Variants in MSH6 observed in about 807,000 individuals in gnomAD.
MSH6 encodes the protein mutS homolog 6, also known as DNA mismatch repair protein Msh6.
A neutral mutation model predicts 119.1 loss-of-function variants in MSH6; 85 were observed. That is an observed-to-expected ratio of 0.71 (90% confidence interval 0.60 to 0.85). The LOEUF (loss-of-function observed/expected upper bound fraction) is 0.85, where lower values mean the gene tolerates loss of function less well. Ranked by LOEUF, MSH6 falls within the 40% of genes least tolerant of loss-of-function variation. The probability of loss-of-function intolerance (pLI) is 0.00; values close to 1 mark genes in which losing one functional copy is unlikely to be tolerated. For synonymous variants in MSH6, 830 were observed against 586.9 expected (o/e 1.41, Z -5.99); for missense variants, 2,163 against 1,655.3 (o/e 1.31, Z -5.32).
Position 47,783,379 on chromosome 2 carries a change from C to A in MSH6, c.146C>A (p.Ala49Asp), listed in dbSNP as rs775498550. The stretch of plus-strand genomic sequence containing the variant: ...TCTCCTTCCCCAGGCGGGGATGCGG[C>A]CTGGAGCGAGGCTGGGCCTGGGCCC... The part of the protein sequence containing the change: ...GASPSPGGDA[A>D]WSEAGPGPRP... The change falls in exon 1 of 10, where the codon GCC (alanine) becomes GAC (aspartate). Residue 49 changes from alanine to aspartate, a missense_variant. By Grantham distance (126) the Ala-to-Asp change is moderately radical (BLOSUM62 -2). Coordinates refer to ENST00000234420, the MANE Select transcript of MSH6 (RefSeq NM_000179.3). The A allele has an allele frequency of 1.3e-6, 2 of 1,593,788 alleles. No individual in the cohort carries two copies. The highest frequency in any genetic ancestry group is 3.5e-5 in the Admixed American group (2 of 57,450).
At chr2:47,808,100 T>C (rs751591266), downstream of MSH6, 2 of 1,593,154 alleles carry the variant, frequency 1.3e-6, no homozygotes, top group South Asian at 1.1e-5. Context: ...GGCAGGACTT[T>C]TTCTTTAGGG....
rs1553412538 is a variant in MSH6, at chr2:47,799,126, G to A, written c.1143G>A (p.Glu381=). The A allele has an allele frequency of 6.2e-7, 1 of 1,614,134 alleles. No homozygotes were observed. Among genetic ancestry groups the A allele is most frequent in the Non-Finnish European group, 8.5e-7 (1 of 1,180,026 alleles). The change falls in exon 4 of 10, where the codon GAG becomes GAA. Residue 381 remains glutamate, a synonymous_variant. Coordinates refer to ENST00000234420, the MANE Select transcript of MSH6 (RefSeq NM_000179.3). ...TTAAGGAGGAAAAGAGAAGAGATGA[G>A]CACAGGAGGAGGCCTGATCACCCCG... ...EWLKEEKRRD[E]HRRRPDHPDF... is the part of the protein sequence containing the mutation.
At position 47,799,558 on chromosome 2, in the gene MSH6, T is replaced by C. The variant is rs1290382350; in HGVS notation, c.1575T>C (p.Ser525=). Residue 525 remains serine, a synonymous_variant, in exon 4 of 10, where the codon AGT becomes AGC. Transcript: ENST00000234420. ...RIITKGTQTY[S]VLEGDPSENY... ...TTACCAAGGGTACACAGACTTACAG[T>C]GTGCTGGAAGGTGATCCCTCTGAGA... 1.2e-6 allele frequency: 2 copies of C among 1,614,096 alleles called. No individual in the cohort carries two copies. Among genetic ancestry groups the C allele is most frequent in the Non-Finnish European group, 1.7e-6 (2 of 1,179,992 alleles).
chr2:47,797,848 T>C, intron 3 of MSH6: 1 of 234,414 alleles, frequency 4.3e-6, no homozygotes. Flanking sequence ...TCTTACCTCC[T>C]CCCAGTTCAA....
chr2:47,809,270 T>C (rs1413213576), downstream of MSH6: 2 of 1,517,778 alleles, frequency 1.3e-6, no homozygotes, highest in Non-Finnish European at 9.0e-7. Context: ...TTGTTATCTG[T>C]AATAAAAGAA....
chr2:47,803,314 G>C, intron 4 of MSH6, 106 bp from the exon 5 acceptor site: 3 of 1,450,220 alleles, frequency 2.1e-6, no homozygotes, highest in Non-Finnish European at 1.9e-6. Context: ...GTAATTGAAA[G>C]TTATGTCTTA....
intron 1 of MSH6, among the ~76,000 whole-genome samples, chr2:47,789,006 A>T (rs988575844): frequency 2.3e-5 from 3 of 130,026 alleles, no homozygotes; most frequent in African/African-American, 8.8e-5. Context: ...GCTCACTGCA[A>T]CCTCTGCTGC....
In MSH6 at chr2:47,806,928, T is replaced by TAATA. The variant is rs1670243688; in HGVS notation, c.*71_*74dup. On this transcript the variant is annotated 3_prime_UTR_variant, in exon 10 of 10. Coordinates refer to ENST00000234420, the MANE Select transcript of MSH6 (RefSeq NM_000179.3). ...GGTAAATTCAGACAACATTATGATCTAATAAACTTTATTTTTTAAAAATGA... is the reference window on the plus strand; with the variant it reads ...GGTAAATTCAGACAACATTATGATCTAATAAATAAACTTTATTTTTTAAAAATGA... The TAATA allele has an allele frequency of 2.6e-6, 3 of 1,157,582 alleles. No individual in the cohort carries two copies. Among genetic ancestry groups the TAATA allele is most frequent in the Admixed American group, 1.9e-5 (1 of 53,086 alleles). 71.7% of individuals were successfully genotyped at this position (1,157,582 alleles called of 1,614,324 possible). A position where few individuals can be genotyped will look rare whatever the true frequency, so the allele number is the denominator to read the frequency against.
Position 47,791,154 on chromosome 2 carries a change from TTGTGTGTG to T in MSH6, c.457+46_457+53del, listed in dbSNP as rs397839804. ...AGTCACTACTGCCATGTGTGTGTGT[TTGTGTGTG>T]TGTGTGTGTGTGTGAGAGAAACAGA... On this transcript the variant is annotated intron_variant, in intron 2 of 9. Transcript: ENST00000234420. 9 of 1,317,974 alleles carry T rather than the reference TTGTGTGTG, an allele frequency of 6.8e-6. No homozygotes were observed. In the East Asian group the frequency reaches 7.1e-5, roughly 10 times the overall value. The allele number at this position is 1,317,974 out of a possible 1,614,324, so 81.6% of individuals were successfully genotyped here.
intron 1 of MSH6, chr2:47,783,757 G>A: frequency 4.0e-6 from 2 of 495,200 alleles, no homozygotes; most frequent in Non-Finnish European, 6.2e-6. Flanking sequence ...GCCTTTTGGA[G>A]GGAGGAGACG....
downstream of MSH6, chr2:47,807,179 A>AAATT (rs1380345132): frequency 3.6e-6 from 1 of 277,472 alleles, no homozygotes; most frequent in African/African-American, 2.2e-5. Context: ...TTAATGCAGG[A>AAATT]AATTGGTTTA....
chr2:47,808,611 G>A (rs1670388978), downstream of MSH6: 1 of 509,632 alleles, frequency 2.0e-6, no homozygotes, highest in African/African-American at 1.9e-5. Context: ...TGTCATCTGT[G>A]TCTTCGGAGG....
downstream of MSH6, chr2:47,809,279 AAAG>A (rs753420399): frequency 6.8e-7 from 1 of 1,470,774 alleles, no homozygotes; most frequent in Non-Finnish European, 9.4e-7. Context: ...GTAATAAAAG[AAAG>A]AATAAGTAAA....
At position 47,806,618 on chromosome 2, in the gene MSH6, T is replaced by TTGAGAAGATGAATC; in HGVS notation, c.3969_3982dup (p.Gln1328LeufsTer4). ...AAGGGACATAGAAAAGCAAGAGAAT[T>TTGAGAAGATGAATC]TGAGAAGATGAATCAGTCACTACGA... is the stretch of plus-strand genomic sequence containing the variant. On this transcript the variant is annotated frameshift_variant, in exon 9 of 10. Transcript: ENST00000234420. LOFTEE classifies it high-confidence loss of function. The TTGAGAAGATGAATC allele has an allele frequency of 6.2e-7, 1 of 1,612,480 alleles. No individual in the cohort carries two copies. Among genetic ancestry groups the TTGAGAAGATGAATC allele is most frequent in the Non-Finnish European group, 8.5e-7 (1 of 1,179,756 alleles).
Position 47,799,789 on chromosome 2 carries a change from A to C in MSH6, c.1806A>C (p.Ser602=), listed in dbSNP as rs1057520981. 1 of 1,614,204 alleles carries C rather than the reference A, an allele frequency of 6.2e-7. No homozygotes were observed. Among genetic ancestry groups the C allele is most frequent in the Non-Finnish European group, 8.5e-7 (1 of 1,180,024 alleles). ...TTTTATTTGAAAAAGGAAATCTCTC[A>C]AAGGAAACTAAAACAATTCTAAAGA... ...VQVLFEKGNL[S]KETKTILKSS... Residue 602 remains serine (S), a synonymous_variant, in exon 4 of 10, where the codon TCA becomes TCC. Coordinates refer to ENST00000234420, the MANE Select transcript of MSH6 (RefSeq NM_000179.3).
chr2:47,806,192 T>A lies in MSH6; in HGVS notation c.3647-12T>A, dbSNP rs1670035790. ...TTTGAGTTACTTCCTTATGCATATTTTACTTTAACAGGAAGAGGTACTGCA... is the reference window on the plus strand; with the variant it reads ...TTTGAGTTACTTCCTTATGCATATTATACTTTAACAGGAAGAGGTACTGCA... On this transcript the variant is annotated splice_polypyrimidine_tract_variant and intron_variant, in intron 7 of 9. Coordinates refer to ENST00000234420, the MANE Select transcript of MSH6 (RefSeq NM_000179.3). 6.2e-7 allele frequency: 1 copy of A among 1,613,276 alleles called. No homozygotes were observed. The highest frequency in any genetic ancestry group is 8.5e-7 in the Non-Finnish European group (1 of 1,179,398).
intron 3 of MSH6, among the ~76,000 whole-genome samples, chr2:47,797,445 C>CCGGGAGAT (rs1218327850): frequency 2.0e-5 from 3 of 152,168 alleles, no homozygotes; most frequent in Non-Finnish European, 2.9e-5. Context: ...AACAAATAAT[C>CCGGGAGAT]CGGGAGATCC....
intron 9 of MSH6, 22 bp from the exon 10 acceptor site, chr2:47,806,757 T>C (rs1670196846): frequency 6.3e-7 from 1 of 1,577,726 alleles, no homozygotes; most frequent in African/African-American, 1.4e-5. Flanking sequence ...AAAACTTTTT[T>C]TTTTTTTTTT....
intron 4 of MSH6, chr2:47,801,402 T>C: frequency 2.6e-6 from 1 of 390,496 alleles, no homozygotes; most frequent in Non-Finnish European, 4.6e-6. Context: ...ATGGTCTTGC[T>C]CTGTTGCCCA....
Sources: allele counts gnomAD v4.1 joint callset (sites outside exome capture counted in the v4.1 genomes callset), GRCh38; gene constraint gnomAD v4.1.1; transcripts MANE v1.5; gene names NCBI Gene and HGNC (gene_info 2026-07-23, HGNC 2026-07-21).